The following NUP85 variants were observed in gnomAD, a reference collection of about 807,000 sequenced individuals.
NUP85 encodes the protein nuclear pore complex protein Nup85.
A neutral mutation model predicts 92.8 loss-of-function variants in NUP85; 23 were observed. The ratio of observed to expected loss-of-function variants is 0.25; its 90% CI spans 0.18 to 0.35. NUP85 has a LOEUF of 0.35. NUP85 is among the 10% of genes least tolerant of loss of function. NUP85 has a pLI of 1.00. For synonymous variants in NUP85, 314 were observed against 306.9 expected (o/e 1.02, Z -0.24); for missense variants, 759 against 822.8 (o/e 0.92, Z 0.95).
chr17:75,209,512 C>T (rs1290248679), intron 2 of NUP85, among the ~76,000 whole-genome samples: 2 of 143,520 alleles, frequency 1.4e-5, no homozygotes, highest in African/African-American at 5.2e-5. Flanking sequence ...GGTGTGATCT[C>T]GGCTCACTGC....
In NUP85 at chr17:75,206,526, G is replaced by A. The variant is rs114940910; in HGVS notation, c.33+732G>A. Among the ~76,000 whole-genome samples the A allele has an allele frequency of 3.6e-3, 552 of 152,168 alleles. 5 individuals carry two copies. The highest frequency in any genetic ancestry group is 0.013 in the African/African-American group (531 of 41,534). On this transcript the variant is annotated intron_variant, in intron 1 of 18. Coordinates refer to ENST00000245544, the MANE Select transcript of NUP85 (RefSeq NM_024844.5). ...GGGAACATCACTAGTTAAAGAGGAA[G>A]GAGCTAGCAGGAGGGGCAAAAAAGG...
chr17:75,221,906 G>T (rs1430365515), intron 7 of NUP85, among the ~76,000 whole-genome samples: 1 of 152,154 alleles, frequency 6.6e-6, no homozygotes, highest in Non-Finnish European at 1.5e-5. Context: ...GAAGAGAGTT[G>T]ATGGGGTTTG....
intron 7 of NUP85, among the ~76,000 whole-genome samples, chr17:75,222,757 C>T (rs956528426): frequency 6.6e-6 from 1 of 151,922 alleles, no homozygotes; most frequent in Non-Finnish European, 1.5e-5. Context: ...TGAAGTCAGC[C>T]AGGCGCAGTG....
At chr17:75,209,696 C>T in intron 2 of NUP85, 127 bp from the exon 3 acceptor site, 2 of 663,784 alleles carry the variant, frequency 3.0e-6, no homozygotes, top group Non-Finnish European at 4.7e-6. Context: ...CCTGCCTTGG[C>T]CTCCCAAAGT....
intron 7 of NUP85, among the ~76,000 whole-genome samples, chr17:75,221,859 A>AC (rs1246243924): frequency 6.6e-6 from 1 of 152,150 alleles, no homozygotes; most frequent in African/African-American, 2.4e-5. Context: ...GTACTAAGCC[A>AC]GGTAAAAGAT....
intron 11 of NUP85, among the ~76,000 whole-genome samples, chr17:75,227,641 A>G (rs1443004282): frequency 7.1e-6 from 1 of 141,738 alleles, no homozygotes; most frequent in Non-Finnish European, 1.5e-5. Context: ...GCGCCCTGCC[A>G]AGTTTTTTTT....
chr17:75,212,124 T>A, intron 4 of NUP85, 62 bp downstream of exon 4: 1 of 1,193,434 alleles, frequency 8.4e-7, no homozygotes, highest in Admixed American at 2.0e-5. Flanking sequence ...ATTTTGAGTA[T>A]TTATCTATGC....
chr17:75,230,936 A>ATT lies in NUP85; in HGVS notation c.1095-392_1095-391dup, dbSNP rs35461721. On this transcript the variant is annotated intron_variant, in intron 11 of 18. Transcript: ENST00000245544. Reference sequence around the variant, plus strand: ...CTCCACCTCAACTACTTTCTGAGCGATTTTTTTTTTTTTGAGATATGGTTG... The same window carrying ATT: ...CTCCACCTCAACTACTTTCTGAGCGATTTTTTTTTTTTTTTGAGATATGGTTG... 4.7e-4 allele frequency among the ~76,000 whole-genome samples: 67 copies of ATT among 143,570 alleles called. 2 individuals carry two copies. The highest frequency in any genetic ancestry group is 4.4e-4 in the Non-Finnish European group (29 of 66,306). The allele number at this position is 143,570 out of a possible 152,430, so 94.2% of individuals were successfully genotyped here. A position where few individuals can be genotyped will look rare whatever the true frequency, so the allele number is the denominator to read the frequency against.
chr17:75,215,297 C>CT (rs2075396595), intron 5 of NUP85, among the ~76,000 whole-genome samples: 1 of 152,214 alleles, frequency 6.6e-6, no homozygotes, highest in African/African-American at 2.4e-5. Context: ...TCAGACTCAA[C>CT]TTCCTGGGCT....
intron 2 of NUP85, among the ~76,000 whole-genome samples, chr17:75,208,859 A>C (rs1367261241): frequency 6.6e-6 from 1 of 152,058 alleles, no homozygotes; most frequent in African/African-American, 2.4e-5. Context: ...CCTCTGCCTC[A>C]GTCTTCCTAG....
intron 5 of NUP85, among the ~76,000 whole-genome samples, chr17:75,214,286 C>T (rs993580450): frequency 6.6e-6 from 1 of 152,168 alleles, no homozygotes; most frequent in Non-Finnish European, 1.5e-5. Context: ...TTCACTGTCT[C>T]TGAAGTACCC....
Position 75,234,658 on chromosome 17 carries a change from G to T in NUP85, c.1637G>T (p.Arg546Leu). The T allele has an allele frequency of 2.5e-6, 4 of 1,614,170 alleles. No individual in the cohort carries two copies. Among genetic ancestry groups the T allele is most frequent in the Non-Finnish European group, 3.4e-6 (4 of 1,180,028 alleles). ...ATAGGAAAGTATCGCGAGTTCCACC[G>T]TATGTACGGGGAGAAGCGTTTTGCC... Reference protein sequence around the residue: ...TFLGKYREFHRMYGEKRFADA... With the variant: ...TFLGKYREFHLMYGEKRFADA... Residue 546 changes from arginine to leucine, a missense_variant, in exon 17 of 19, where the codon CGT becomes CTT. Coordinates refer to ENST00000245544, the MANE Select transcript of NUP85 (RefSeq NM_024844.5).
intron 16 of NUP85, 132 bp from the exon 17 acceptor site, chr17:75,234,505 A>C (rs548143833): frequency 2.2e-5 from 18 of 832,048 alleles, no homozygotes; most frequent in African/African-American, 2.0e-4. Flanking sequence ...GACAGAAAAA[A>C]ATCTCCTGCT....
Position 75,234,730 on chromosome 17 carries a change from C to G in NUP85, c.1709C>G (p.Pro570Arg), listed in dbSNP as rs1472104622. The change falls in exon 17 of 19, where the codon CCT (proline) becomes CGT (arginine). Residue 570 changes from proline to arginine, a missense_variant. Pro to Arg is a moderately radical substitution (Grantham distance 103). Coordinates refer to ENST00000245544, the MANE Select transcript of NUP85 (RefSeq NM_024844.5). ...TCCTTGATGACGTCTCGGATTGCCC[C>G]TCGGTCTTTCTGGATGACTCTGCTG... ...LLSLMTSRIAPRSFWMTLLTD... is the reference protein window; with the variant it reads ...LLSLMTSRIARRSFWMTLLTD... 1 of 1,614,240 alleles carries G rather than the reference C, an allele frequency of 6.2e-7. No individual in the cohort carries two copies. Among genetic ancestry groups the G allele is most frequent in the South Asian group, 1.1e-5 (1 of 91,084 alleles).
chr17:75,211,414 G>C (rs1568068055), intron 3 of NUP85, among the ~76,000 whole-genome samples: 1 of 138,046 alleles, frequency 7.2e-6, no homozygotes. Flanking sequence ...TGCTGGCAGG[G>C]GACCCTGTCT....
At position 75,218,307 on chromosome 17, in the gene NUP85, G is replaced by C. The variant is rs1417455594; in HGVS notation, c.597+1G>C. The C allele has an allele frequency of 6.2e-7, 1 of 1,613,026 alleles. No homozygotes were observed. The highest frequency in any genetic ancestry group is 8.5e-7 in the Non-Finnish European group (1 of 1,179,448). On this transcript the variant is annotated splice_donor_variant, in intron 7 of 18. Transcript: ENST00000245544. LOFTEE classifies it high-confidence loss of function. ...CAAACATGACAGCTTCTGGAACTTGGTAAGACAGGCCGGGCCCCCACCTCC... is the reference window on the plus strand; with the variant it reads ...CAAACATGACAGCTTCTGGAACTTGCTAAGACAGGCCGGGCCCCCACCTCC...
At position 75,232,925 on chromosome 17, in the gene NUP85, A is replaced by G. The variant is rs1214955252; in HGVS notation, c.1471A>G (p.Ile491Val). The G allele has an allele frequency of 6.2e-7, 1 of 1,614,224 alleles. No homozygotes were observed. The highest frequency in any genetic ancestry group is 8.5e-7 in the Non-Finnish European group (1 of 1,180,038). ...NRLGSALSWSIRAKDAAFATL... is the reference protein window; with the variant it reads ...NRLGSALSWSVRAKDAAFATL... ...CCTGGGTTCTGCCCTCTCTTGGAGC[A>G]TCCGTGCTAAGGATGCCGCCTTTGC... The change falls in exon 15 of 19, where the codon ATC (isoleucine) becomes GTC (valine). Residue 491 changes from isoleucine (I) to valine (V), a missense_variant. Coordinates refer to ENST00000245544, the MANE Select transcript of NUP85 (RefSeq NM_024844.5).
At chr17:75,208,382 T>G in intron 1 of NUP85, 145 bp from the exon 2 acceptor site, 1 of 644,576 alleles carries the variant, frequency 1.6e-6, no homozygotes, top group Admixed American at 2.6e-5. Flanking sequence ...GAGGCGGCGA[T>G]TGGAGCAAGC....
In NUP85 at chr17:75,218,588, GTTTTTTT is replaced by G. The variant is rs67761124; in HGVS notation, c.597+295_597+301del. The stretch of plus-strand genomic sequence containing the variant: ...AAGACACAAAAAGGAATACAAAACC[GTTTTTTT>G]TTTTTTTTTTTTGAGACAGGGTCTC... On this transcript the variant is annotated intron_variant, in intron 7 of 18. Transcript: ENST00000245544. Among the ~76,000 whole-genome samples, 3 of 82,840 alleles carry G rather than the reference GTTTTTTT, an allele frequency of 3.6e-5. No homozygotes were observed. The South Asian group carries it at 1.4e-3, about 39-fold the overall frequency. The allele number at this position is 82,840 out of a possible 152,430, so 54.3% of individuals were successfully genotyped here.
Sources: allele counts gnomAD v4.1 joint callset (sites outside exome capture counted in the v4.1 genomes callset), GRCh38; gene constraint gnomAD v4.1.1; transcripts MANE v1.5; gene names NCBI Gene and HGNC (gene_info 2026-07-23, HGNC 2026-07-21).